The following AFAP1 variants were observed in gnomAD, a reference collection of about 807,000 sequenced individuals.
AFAP1 encodes the protein actin filament-associated protein 1.
AFAP1 carries 75 observed loss-of-function variants against 93.9 expected under a neutral mutation model. That is an observed-to-expected ratio of 0.80 (90% CI 0.66 to 0.97). AFAP1 has a LOEUF of 0.97. AFAP1 is among the 50% of genes least tolerant of loss of function. The pLI is 0.00. For missense variants in AFAP1, 1,201 were observed against 1,050.8 expected, an observed-to-expected ratio of 1.14 and a Z score of -1.98; for synonymous variants, 517 against 430.7, an observed-to-expected ratio of 1.20 and a Z score of -2.48.
At position 7,784,884 on chromosome 4, in the gene AFAP1, GA is replaced by G. The variant is rs1388084839; in HGVS notation, c.1530+1309del. Among the ~76,000 whole-genome samples the G allele has an allele frequency of 3.3e-5, 5 of 152,300 alleles. No individual in the cohort carries two copies. In the East Asian group the frequency reaches 9.7e-4, roughly 29 times the overall value. ...TGAATTTACGATGCCAGGGCTGATT[GA>G]GGACATTCATCAGGATATCGGGGAA... On this transcript the variant is annotated intron_variant, in intron 12 of 17. Transcript: ENST00000420658.
At chr4:7,839,779 T>C (rs1489866867) in intron 5 of AFAP1, among the ~76,000 whole-genome samples, 1 of 152,194 alleles carries the variant, frequency 6.6e-6, no homozygotes, top group Non-Finnish European at 1.5e-5. Context: ...TTTGTTTACC[T>C]GTACTACTTG....
intron 3 of AFAP1, among the ~76,000 whole-genome samples, chr4:7,858,840 T>G (rs573587910): frequency 6.6e-6 from 1 of 152,282 alleles, no homozygotes; most frequent in South Asian, 2.1e-4. Flanking sequence ...ATTCCAGCAT[T>G]CTTATAAAGT....
At chr4:7,827,867 A>C (rs1182434676) in intron 6 of AFAP1, among the ~76,000 whole-genome samples, 1 of 152,154 alleles carries the variant, frequency 6.6e-6, no homozygotes, top group Non-Finnish European at 1.5e-5. Context: ...GGAGAAATGA[A>C]GACCCTTCCA....
intron 10 of AFAP1, among the ~76,000 whole-genome samples, chr4:7,794,282 G>A (rs1488191086): frequency 1.3e-5 from 2 of 152,220 alleles, no homozygotes; most frequent in African/African-American, 4.8e-5. Flanking sequence ...AGCCCTGGGT[G>A]AGCCCCCCTA....
At chr4:7,818,740 T>G (rs1431840093) in intron 7 of AFAP1, among the ~76,000 whole-genome samples, 3 of 152,206 alleles carry the variant, frequency 2.0e-5, no homozygotes, top group African/African-American at 7.2e-5. Flanking sequence ...GGAAGGTACA[T>G]TTATGAAACG....
At chr4:7,926,689 T>C (rs1720785297) in intron 1 of AFAP1, among the ~76,000 whole-genome samples, 1 of 152,182 alleles carries the variant, frequency 6.6e-6, no homozygotes, top group Non-Finnish European at 1.5e-5. Context: ...ATGGCTGCTG[T>C]AGGGCCTCTT....
At chr4:7,929,159 C>G (rs961180450) in intron 1 of AFAP1, among the ~76,000 whole-genome samples, 20 of 152,182 alleles carry the variant, frequency 1.3e-4, no homozygotes, top group African/African-American at 4.6e-4. Flanking sequence ...GATGAAATGT[C>G]TCCTGCCCCC....
chr4:7,855,209 C>T (rs1420700628), intron 4 of AFAP1, among the ~76,000 whole-genome samples: 1 of 152,230 alleles, frequency 6.6e-6, no homozygotes, highest in Non-Finnish European at 1.5e-5. Flanking sequence ...ACTGCTGATA[C>T]CTGTTGCCAC....
chr4:7,767,501 A>G (rs1714774047), intron 17 of AFAP1, among the ~76,000 whole-genome samples: 1 of 152,216 alleles, frequency 6.6e-6, no homozygotes, highest in Non-Finnish European at 1.5e-5. Context: ...ATATTCCTCC[A>G]TCAGTGAGCT....
chr4:7,783,102 C>G (rs1383360006), intron 12 of AFAP1, among the ~76,000 whole-genome samples: 1 of 152,124 alleles, frequency 6.6e-6, no homozygotes, highest in African/African-American at 2.4e-5. Context: ...ATTACTAAAG[C>G]TGAAACAGTG....
At chr4:7,857,888 T>G (rs1036524039) in intron 3 of AFAP1, among the ~76,000 whole-genome samples, 1 of 152,128 alleles carries the variant, frequency 6.6e-6, no homozygotes, top group African/African-American at 2.4e-5. Context: ...GCAGACACTT[T>G]CAAACCCTAT....
Position 7,852,499 on chromosome 4 carries a change from G to T in AFAP1, c.334+2967C>A, listed in dbSNP as rs1714559931. ...TAAGGAAGAACACGCAGGGGACCTG[G>T]AAGACCCCCTGAGTGCCCCTCTGTG... is the stretch of plus-strand genomic sequence containing the variant. On this transcript the variant is annotated intron_variant, in intron 4 of 17. Coordinates refer to ENST00000420658, the MANE Select transcript of AFAP1 (RefSeq NM_001134647.2). Among the ~76,000 whole-genome samples, 4 of 152,182 alleles carry T rather than the reference G, an allele frequency of 2.6e-5. 1 individual carries two copies. The South Asian group carries it at 8.3e-4, about 32-fold the overall frequency.
intron 6 of AFAP1, among the ~76,000 whole-genome samples, chr4:7,831,674 G>A (rs999726452): frequency 3.9e-5 from 6 of 152,166 alleles, no homozygotes; most frequent in African/African-American, 1.4e-4. Flanking sequence ...TCAGTGTGCA[G>A]GAAATACTTA....
intron 1 of AFAP1, among the ~76,000 whole-genome samples, chr4:7,908,288 C>T (rs113623471): frequency 0.02 from 3,071 of 152,254 alleles, 107 homozygotes; most frequent in African/African-American, 0.07. Flanking sequence ...GCTCTATGCT[C>T]CAAGGGCACA....
chr4:7,858,368 C>A (rs1200693114), intron 3 of AFAP1, among the ~76,000 whole-genome samples: 3 of 151,996 alleles, frequency 2.0e-5, no homozygotes, highest in South Asian at 2.1e-4. Flanking sequence ...TGAAATAATA[C>A]CCCCTCAGAA....
rs185675720 is a variant in AFAP1, at chr4:7,875,922, T to C, written c.-2-3842A>G. On this transcript the variant is annotated intron_variant, in intron 1 of 17. Coordinates refer to ENST00000420658, the MANE Select transcript of AFAP1 (RefSeq NM_001134647.2). ...TAGAACAGTGGTTACTAGGGGCTAG[T>C]GGTGGGGAGAATGTAGGGTTATTAT... Among the ~76,000 whole-genome samples, 691 of 152,180 alleles carry C rather than the reference T, an allele frequency of 4.5e-3. 2 individuals are homozygous for C. Among genetic ancestry groups the C allele is most frequent in the Non-Finnish European group, 6.2e-3 (422 of 68,018 alleles).
rs551196404 is a variant in AFAP1, at chr4:7,829,581, T to G, written c.726+8943A>C. 2.0e-5 allele frequency among the ~76,000 whole-genome samples: 3 copies of G among 152,344 alleles called. No individual in the cohort carries two copies. The East Asian group carries it at 5.8e-4, about 29-fold the overall frequency. On this transcript the variant is annotated intron_variant, in intron 6 of 17. Coordinates refer to ENST00000420658, the MANE Select transcript of AFAP1 (RefSeq NM_001134647.2). ...ATATAAACACAGTTCACAGAAATAC[T>G]GATACAACTGTAGGCTCTTAAACCC...
intron 17 of AFAP1, among the ~76,000 whole-genome samples, chr4:7,768,002 G>C (rs1714852640): frequency 6.6e-6 from 1 of 152,262 alleles, no homozygotes; most frequent in Admixed American, 6.5e-5. Context: ...CCTGAGCCCA[G>C]GAGATCAAGG....
intron 3 of AFAP1, among the ~76,000 whole-genome samples, chr4:7,864,119 A>ATTCCCAACTTCCCATCACAACACC (rs1577313274): frequency 3.9e-4 from 15 of 38,494 alleles, no homozygotes; most frequent in Admixed American, 1.4e-3. Context: ...ATCACAACCC[A>ATTCCCAACTTCCCATCACAACACC]TTCCCAACTT....
Sources: gnomAD v4.1 joint callset for allele counts (sites outside exome capture counted in the v4.1 genomes callset) on GRCh38, gnomAD v4.1.1 for gene constraint, MANE v1.5 for transcripts, NCBI Gene and HGNC (gene_info 2026-07-23, HGNC 2026-07-21) for gene names.